The following RBMS3 variants were observed in gnomAD, a reference collection of about 807,000 sequenced individuals.
RBMS3 encodes the protein RNA binding motif single stranded interacting protein 3, also known as RNA-binding motif, single-stranded-interacting protein 3.
RBMS3 carries 27 observed loss-of-function variants against 66.8 expected under a neutral mutation model. That is an observed-to-expected ratio of 0.40 (90% CI 0.30 to 0.56). The LOEUF is 0.56. Ranked by LOEUF, RBMS3 falls within the 20% of genes least tolerant of loss-of-function variation. The probability of loss-of-function intolerance (pLI) is 0.40; values close to 1 mark genes in which losing one functional copy is unlikely to be tolerated. For synonymous variants in RBMS3, 188 were observed against 183.0 expected (o/e 1.03, Z -0.22); for missense variants, 513 against 549.5 (o/e 0.93, Z 0.66).
intron 12 of RBMS3, among the ~76,000 whole-genome samples, chr3:29,946,544 A>C (rs1559827156): frequency 1.3e-5 from 2 of 151,724 alleles, no homozygotes; most frequent in Non-Finnish European, 3.0e-5. Context: ...TTATGGTATA[A>C]TATTAGACCA....
intron 1 of RBMS3, among the ~76,000 whole-genome samples, chr3:29,322,676 A>G (rs2035076872): frequency 6.6e-6 from 1 of 151,974 alleles, no homozygotes; most frequent in Non-Finnish European, 1.5e-5. Context: ...TTCAGGAAAG[A>G]TGGCATATAA....
At chr3:29,699,204 G>A (rs2052428551) in intron 4 of RBMS3, among the ~76,000 whole-genome samples, 1 of 152,144 alleles carries the variant, frequency 6.6e-6, no homozygotes, top group Non-Finnish European at 1.5e-5. Flanking sequence ...AAGCTGGAGT[G>A]CAGTGTCACA....
At chr3:29,917,018 A>G (rs562447405) in intron 10 of RBMS3, among the ~76,000 whole-genome samples, 1 of 152,092 alleles carries the variant, frequency 6.6e-6, no homozygotes, top group Non-Finnish European at 1.5e-5. Context: ...CTCTATAGTT[A>G]GTGACTTATT....
At chr3:29,509,133 CTT>C (rs2044298197) in intron 3 of RBMS3, among the ~76,000 whole-genome samples, 1 of 151,312 alleles carries the variant, frequency 6.6e-6, no homozygotes, top group African/African-American at 2.4e-5. Context: ...AAATATAACT[CTT>C]GAGTGTAGGG....
At chr3:29,842,694 G>C (rs2058691088) in intron 6 of RBMS3, among the ~76,000 whole-genome samples, 1 of 152,130 alleles carries the variant, frequency 6.6e-6, no homozygotes, top group Admixed American at 6.6e-5. Context: ...CTTTAGATGG[G>C]AAGATTACCC....
chr3:29,518,049 C>T (rs1265362908), intron 3 of RBMS3, among the ~76,000 whole-genome samples: 1 of 152,168 alleles, frequency 6.6e-6, no homozygotes, highest in African/African-American at 2.4e-5. Flanking sequence ...GAGTAACTCA[C>T]AATGCCTACA....
At chr3:29,407,421 A>G (rs1387064353) in intron 1 of RBMS3, among the ~76,000 whole-genome samples, 1 of 152,146 alleles carries the variant, frequency 6.6e-6, no homozygotes, top group African/African-American at 2.4e-5. Flanking sequence ...GTGGCTGAAC[A>G]TTAAGGGTGA....
chr3:29,860,841 A>G (rs2059194315), intron 6 of RBMS3, among the ~76,000 whole-genome samples: 1 of 152,144 alleles, frequency 6.6e-6, no homozygotes, highest in South Asian at 2.1e-4. Flanking sequence ...TATCACACGA[A>G]TAGTTTAGGA....
rs75869254 is a variant in RBMS3, at chr3:29,757,329, G to C, written c.558-5581G>C. ...CCATGCAGAAAGCATGGGTTAAACT[G>C]TCCCATCTATTAAAAGGAATCACAG... is the stretch of plus-strand genomic sequence containing the variant. On this transcript the variant is annotated intron_variant, in intron 5 of 14. Coordinates refer to ENST00000383767, the MANE Select transcript of RBMS3 (RefSeq NM_001003793.3). 5.3e-3 allele frequency among the ~76,000 whole-genome samples: 801 copies of C among 152,304 alleles called. 3 individuals are homozygous for C. Among genetic ancestry groups the C allele is most frequent in the Non-Finnish European group, 7.7e-3 (526 of 68,028 alleles).
chr3:29,307,883 A>C (rs1330451408), intron 1 of RBMS3, among the ~76,000 whole-genome samples: 1 of 151,858 alleles, frequency 6.6e-6, no homozygotes, highest in Non-Finnish European at 1.5e-5. Flanking sequence ...TAAGATATTT[A>C]ATAGTATATA....
chr3:29,578,485 C>T (rs2047200697), intron 3 of RBMS3, among the ~76,000 whole-genome samples: 1 of 152,116 alleles, frequency 6.6e-6, no homozygotes, highest in African/African-American at 2.4e-5. Context: ...CTCATAGTGA[C>T]AGGGACAGTA....
In RBMS3 at chr3:29,914,197, T is replaced by C. The variant is rs138802674; in HGVS notation, c.939+14442T>C. ...TAAGGAAGAGAATATGGTGGATGCA[T>C]GGGTCAAAACTGACTCAGGAAATTT... On this transcript the variant is annotated intron_variant, in intron 10 of 14. Transcript: ENST00000383767. 2.6e-5 allele frequency among the ~76,000 whole-genome samples: 4 copies of C among 152,044 alleles called. No individual in the cohort carries two copies. In the East Asian group the frequency reaches 5.8e-4, roughly 22 times the overall value.
At chr3:29,625,486 G>A (rs537956753) in intron 4 of RBMS3, among the ~76,000 whole-genome samples, 62 of 152,092 alleles carry the variant, frequency 4.1e-4, no homozygotes, top group African/African-American at 1.4e-3. Context: ...CTGAGGTCAG[G>A]AGTTCGAGAC....
intron 5 of RBMS3, among the ~76,000 whole-genome samples, chr3:29,761,530 G>T (rs1307181809): frequency 6.6e-6 from 1 of 152,038 alleles, no homozygotes; most frequent in East Asian, 1.9e-4. Flanking sequence ...TTCGCCAAAA[G>T]CCTCTCCTAG....
At chr3:29,696,236 GT>G (rs1182485846) in intron 4 of RBMS3, among the ~76,000 whole-genome samples, 1 of 152,050 alleles carries the variant, frequency 6.6e-6, no homozygotes, top group East Asian at 1.9e-4. Context: ...TAGGCTCTCA[GT>G]TTTTTTCATC....
At chr3:29,734,186 TA>T (rs2054271704) in intron 4 of RBMS3, among the ~76,000 whole-genome samples, 1 of 152,030 alleles carries the variant, frequency 6.6e-6, no homozygotes, top group Non-Finnish European at 1.5e-5. Context: ...ATGCAGGAGC[TA>T]AAAAACTTGA....
In RBMS3 at chr3:29,710,991, A is replaced by G. The variant is rs547627805; in HGVS notation, c.400-28729A>G. On this transcript the variant is annotated intron_variant, in intron 4 of 14. Coordinates refer to ENST00000383767, the MANE Select transcript of RBMS3 (RefSeq NM_001003793.3). Reference sequence around the variant, plus strand: ...CACTGTTCCACGCATTAAATATACAATACAGTAGCTCCCCCCTTATTTGCA... The same window carrying G: ...CACTGTTCCACGCATTAAATATACAGTACAGTAGCTCCCCCCTTATTTGCA... Among the ~76,000 whole-genome samples the G allele has an allele frequency of 2.0e-5, 3 of 151,882 alleles. No individual in the cohort carries two copies. In the South Asian group the frequency reaches 6.2e-4, roughly 31 times the overall value.
chr3:29,428,406 G>A (rs2041046541), intron 1 of RBMS3, among the ~76,000 whole-genome samples: 1 of 152,064 alleles, frequency 6.6e-6, no homozygotes. Context: ...CCAAAGTATG[G>A]AACTAAGGTT....
chr3:29,545,131 A>G (rs2045905867), intron 3 of RBMS3, among the ~76,000 whole-genome samples: 1 of 152,130 alleles, frequency 6.6e-6, no homozygotes, highest in Admixed American at 6.5e-5. Flanking sequence ...TATGTATATT[A>G]TGGTTTATTC....
Sources: gnomAD v4.1 joint callset for allele counts (sites outside exome capture counted in the v4.1 genomes callset) on GRCh38, gnomAD v4.1.1 for gene constraint, MANE v1.5 for transcripts, NCBI Gene and HGNC (gene_info 2026-07-23, HGNC 2026-07-21) for gene names.